The following CSMD1 variants were observed in gnomAD, a reference collection of about 807,000 sequenced individuals.
The protein encoded by CSMD1 is CUB and Sushi multiple domains 1.
Under a neutral mutation model 417.5 loss-of-function variants are expected in CSMD1, and 213 were observed. The ratio of observed to expected loss-of-function variants is 0.51; its 90% CI spans 0.46 to 0.57. The LOEUF (loss-of-function observed/expected upper bound fraction) is 0.57. Ranked by LOEUF, CSMD1 falls within the 20% of genes least tolerant of loss-of-function variation. The probability of loss-of-function intolerance (pLI) is 0.00; values close to 1 mark genes in which losing one functional copy is unlikely to be tolerated. For synonymous variants in CSMD1, 2,862 were observed against 1,736.8 expected (o/e 1.65, Z -16.11); for missense variants, 6,923 against 4,529.7 (o/e 1.53, Z -15.17).
At chr8:4,147,761 G>A (rs150861905) in intron 3 of CSMD1, among the ~76,000 whole-genome samples, 2 of 152,038 alleles carry the variant, frequency 1.3e-5, no homozygotes, top group East Asian at 3.9e-4. Flanking sequence ...GCAAGCCATG[G>A]ACTTGCCATG....
intron 1 of CSMD1, among the ~76,000 whole-genome samples, chr8:4,840,886 T>C (rs1800802327): frequency 6.6e-6 from 1 of 152,218 alleles, no homozygotes; most frequent in South Asian, 2.1e-4. Context: ...GTGCCTAATA[T>C]TTGCGTGTCT....
intron 23 of CSMD1, among the ~76,000 whole-genome samples, chr8:3,318,436 A>G (rs1805925022): frequency 6.6e-6 from 1 of 152,232 alleles, no homozygotes; most frequent in African/African-American, 2.4e-5. Context: ...CGCCGAAGAT[A>G]CAAAATTAAC....
chr8:3,160,639 T>C (rs1050154309), intron 38 of CSMD1, among the ~76,000 whole-genome samples: 1 of 152,244 alleles, frequency 6.6e-6, no homozygotes, highest in African/African-American at 2.4e-5. Flanking sequence ...GGTGTTATAA[T>C]GTAAGTGGTA....
In CSMD1 at chr8:4,005,850, T is replaced by C. The variant is rs555650022; in HGVS notation, c.611-7740A>G. ...GATTGCTAGCATAAGCACTGTCTTT[T>C]AATTCCCTGGTCCCCATGAACAGGA... On this transcript the variant is annotated intron_variant, in intron 4 of 69. Transcript: ENST00000635120. Among the ~76,000 whole-genome samples the C allele has an allele frequency of 3.9e-4, 59 of 152,230 alleles. 1 individual carries two copies. The highest frequency in any genetic ancestry group is 7.1e-4 in the Non-Finnish European group (48 of 68,040).
At chr8:4,477,440 G>C (rs181848596) in intron 2 of CSMD1, among the ~76,000 whole-genome samples, 1 of 152,330 alleles carries the variant, frequency 6.6e-6, no homozygotes, top group East Asian at 1.9e-4. Flanking sequence ...CAGAAACTGA[G>C]TCTGGTAAAA....
chr8:4,946,371 C>T (rs1336341534), intron 1 of CSMD1, among the ~76,000 whole-genome samples: 2 of 152,062 alleles, frequency 1.3e-5, no homozygotes, highest in African/African-American at 2.4e-5. Context: ...TTGAGAAATG[C>T]CCCCACCTAG....
At chr8:4,054,893 C>G (rs1405965275) in intron 3 of CSMD1, among the ~76,000 whole-genome samples, 1 of 152,124 alleles carries the variant, frequency 6.6e-6, no homozygotes, top group Admixed American at 6.6e-5. Context: ...AAGGCTACGT[C>G]TGCCTGTGCC....
At chr8:4,290,673 G>C (rs1476089787) in intron 3 of CSMD1, among the ~76,000 whole-genome samples, 1 of 152,190 alleles carries the variant, frequency 6.6e-6, no homozygotes, top group South Asian at 2.1e-4. Flanking sequence ...CCAGGTTTAA[G>C]TAGCAGCTTC....
chr8:4,585,213 A>G (rs1427430101), intron 2 of CSMD1, among the ~76,000 whole-genome samples: 2 of 152,190 alleles, frequency 1.3e-5, no homozygotes, highest in Admixed American at 1.3e-4. Context: ...AAAGAGCACC[A>G]TAAAGAACAT....
intron 1 of CSMD1, among the ~76,000 whole-genome samples, chr8:4,883,497 A>T (rs1265231314): frequency 2.6e-5 from 4 of 152,062 alleles, no homozygotes; most frequent in Non-Finnish European, 5.9e-5. Flanking sequence ...TTTTCTCCTC[A>T]TCAACCAGAT....
chr8:4,044,621 TAAG>T (rs1449285171), intron 3 of CSMD1, among the ~76,000 whole-genome samples: 1 of 132,610 alleles, frequency 7.5e-6, no homozygotes, highest in Non-Finnish European at 1.7e-5. Flanking sequence ...TCTCGTGCAA[TAAG>T]AAGAGACATA....
chr8:3,924,722 G>A (rs1237120021), intron 5 of CSMD1, among the ~76,000 whole-genome samples: 3 of 151,868 alleles, frequency 2.0e-5, no homozygotes, highest in African/African-American at 7.2e-5. Context: ...TATTTATAAT[G>A]TTCACCTCTT....
chr8:4,956,288 T>C (rs1809106006), intron 1 of CSMD1, among the ~76,000 whole-genome samples: 1 of 151,904 alleles, frequency 6.6e-6, no homozygotes, highest in Non-Finnish European at 1.5e-5. Context: ...CATAGTCTCA[T>C]AATTTTAAAA....
chr8:3,465,931 A>G (rs1816769192), intron 12 of CSMD1, among the ~76,000 whole-genome samples: 1 of 152,176 alleles, frequency 6.6e-6, no homozygotes, highest in Non-Finnish European at 1.5e-5. Context: ...GTTGCCTCAG[A>G]GGAAGTTAAC....
At chr8:3,185,675 C>T (rs1036476448) in intron 36 of CSMD1, among the ~76,000 whole-genome samples, 10 of 152,134 alleles carry the variant, frequency 6.6e-5, no homozygotes, top group African/African-American at 2.2e-4. Context: ...GTTGATAAAT[C>T]CAAATATATG....
At chr8:4,466,106 T>G (rs1800150567) in intron 2 of CSMD1, among the ~76,000 whole-genome samples, 1 of 152,180 alleles carries the variant, frequency 6.6e-6, no homozygotes, top group Non-Finnish European at 1.5e-5. Context: ...ACACCAGCTC[T>G]CGAGTAAATG....
intron 3 of CSMD1, among the ~76,000 whole-genome samples, chr8:4,146,904 C>CG (rs1804170489): frequency 6.9e-6 from 1 of 144,344 alleles, no homozygotes; most frequent in Admixed American, 6.7e-5. Context: ...TGAGCCACCG[C>CG]ACCGGCCAGA....
At chr8:4,776,885 C>T (rs1796880843) in intron 1 of CSMD1, among the ~76,000 whole-genome samples, 1 of 152,192 alleles carries the variant, frequency 6.6e-6, no homozygotes, top group South Asian at 2.1e-4. Flanking sequence ...TTATCTTCAT[C>T]TTTAAAAGGA....
intron 3 of CSMD1, among the ~76,000 whole-genome samples, chr8:4,231,075 G>A (rs1033340065): frequency 5.3e-5 from 8 of 152,040 alleles, no homozygotes; most frequent in African/African-American, 1.9e-4. Flanking sequence ...TTTTTACAAG[G>A]GTTATCCTAA....
Sources: gnomAD v4.1 joint callset for allele counts (sites outside exome capture counted in the v4.1 genomes callset) on GRCh38, gnomAD v4.1.1 for gene constraint, MANE v1.5 for transcripts, NCBI Gene and HGNC (gene_info 2026-07-23, HGNC 2026-07-21) for gene names.